DISC1: variants seen among roughly 807,000 people sequenced by gnomAD.
DISC1 encodes the protein DISC1 scaffold protein, also known as disrupted in schizophrenia 1 protein.
In DISC1, 57 loss-of-function variants were observed where a neutral mutation model predicts 84.5. That is an observed-to-expected ratio of 0.67 (90% CI 0.55 to 0.84). The LOEUF (loss-of-function observed/expected upper bound fraction) is 0.84. Among genes scored for constraint, DISC1 ranks in the 40% least tolerant of loss-of-function variants. DISC1 has a pLI of 0.00. For synonymous variants in DISC1, 411 were observed against 415.2 expected, an observed-to-expected ratio of 0.99 and a Z score of 0.12; for missense variants, 1,000 against 1,057.8, an observed-to-expected ratio of 0.95 and a Z score of 0.76.
At chr1:231,691,610 T>C (rs199855845) in intron 1 of DISC1, among the ~76,000 whole-genome samples, 62 of 152,362 alleles carry the variant, frequency 4.1e-4, no homozygotes, top group Non-Finnish European at 7.3e-4. Flanking sequence ...TAAAAGTCTT[T>C]TTAAACCACA....
intron 9 of DISC1, among the ~76,000 whole-genome samples, chr1:231,827,966 TTTTA>T (rs2081976060): frequency 6.6e-6 from 1 of 152,198 alleles, no homozygotes; most frequent in African/African-American, 2.4e-5. Context: ...TAGAATGTCG[TTTTA>T]TTTTTCTTTT....
rs1021980548 is a variant in DISC1 at position 232,037,732 on chromosome 1, A to C, written c.*901A>C. On this transcript the variant is annotated 3_prime_UTR_variant, in exon 13 of 13. Transcript: ENST00000439617. ...TACTCAGTAAGACAGTGCAGTGCTC[A>C]GTAAGGCAGTGCAATACTCAGTAAC... 6.6e-6 allele frequency: 1 copy of C among 152,008 alleles called. No homozygotes were observed. The highest frequency in any genetic ancestry group is 1.5e-5 in the Non-Finnish European group (1 of 68,224). The allele number at this position is 152,008 out of a possible 1,614,324, so 9.4% of individuals were successfully genotyped here. A position where few individuals can be genotyped will look rare whatever the true frequency, so the allele number is the denominator to read the frequency against.
intron 5 of DISC1, among the ~76,000 whole-genome samples, chr1:231,770,423 G>C (rs2076463225): frequency 2.0e-5 from 3 of 152,274 alleles, no homozygotes; most frequent in African/African-American, 7.2e-5. Context: ...TTTGGGGACA[G>C]ACTAACAAAG....
At chr1:231,728,093 G>A (rs1378118711) in intron 3 of DISC1, among the ~76,000 whole-genome samples, 1 of 150,898 alleles carries the variant, frequency 6.6e-6, no homozygotes, top group African/African-American at 2.4e-5. Flanking sequence ...TTTTTTTTTC[G>A]TATGCTAGAG....
At chr1:231,790,587 C>T (rs542686585) in intron 6 of DISC1, among the ~76,000 whole-genome samples, 119 of 151,934 alleles carry the variant, frequency 7.8e-4, no homozygotes, top group African/African-American at 2.7e-3. Context: ...GGCATGATAT[C>T]GGCTCACTGC....
chr1:231,722,151 CAAAA>C (rs750574790), intron 3 of DISC1, among the ~76,000 whole-genome samples: 1 of 47,682 alleles, frequency 2.1e-5, no homozygotes. Context: ...GACTCCATCT[CAAAA>C]AAAAAAAAAA....
intron 9 of DISC1, among the ~76,000 whole-genome samples, chr1:231,907,031 CTCTT>C (rs370661560): frequency 2.0e-5 from 3 of 148,744 alleles, no homozygotes; most frequent in African/African-American, 7.4e-5. Context: ...TTCTCTCTCT[CTCTT>C]TCTTTCCCTC....
chr1:231,750,641 T>C (rs2074512929), intron 4 of DISC1: 1 of 961,894 alleles, frequency 1.0e-6, no homozygotes. Context: ...CCTACCAATG[T>C]CCAGGCTCCT....
chr1:231,842,958 A>T (rs774447433), intron 9 of DISC1, among the ~76,000 whole-genome samples: 4 of 152,142 alleles, frequency 2.6e-5, no homozygotes, highest in Non-Finnish European at 4.4e-5. Flanking sequence ...ACTAATTTTT[A>T]TAGTGAGCCA....
intron 11 of DISC1, among the ~76,000 whole-genome samples, chr1:232,024,969 C>T (rs1338566856): frequency 6.6e-6 from 1 of 152,160 alleles, no homozygotes; most frequent in Non-Finnish European, 1.5e-5. Flanking sequence ...AGTTTTAATT[C>T]TGAGCTCATT....
At chr1:231,856,114 G>T (rs1238424783) in intron 9 of DISC1, among the ~76,000 whole-genome samples, 2 of 152,172 alleles carry the variant, frequency 1.3e-5, no homozygotes, top group Non-Finnish European at 2.9e-5. Context: ...CTCATTAGTT[G>T]CAAGAATGAT....
chr1:231,764,163 A>G (rs536413695), intron 4 of DISC1, among the ~76,000 whole-genome samples: 1 of 152,350 alleles, frequency 6.6e-6, no homozygotes, highest in South Asian at 2.1e-4. Flanking sequence ...TGCTGAGTTT[A>G]TGCCTCCAAG....
chr1:231,866,468 C>T, intron 9 of DISC1: 1 of 776,260 alleles, frequency 1.3e-6, no homozygotes. Flanking sequence ...ACACTTATTA[C>T]AAGGCTCCAG....
rs2079598532 is a variant in DISC1 at position 231,805,118 on chromosome 1, C to T, written c.1792+4908C>T. Among the ~76,000 whole-genome samples the T allele has an allele frequency of 2.0e-5, 3 of 152,068 alleles. No homozygotes were observed. In the South Asian group the frequency reaches 6.2e-4, roughly 32 times the overall value. ...ACATTAAGAAAAGTAATTTAGAGAG[C>T]CCATTGTTTCTCTCCCTTTTCACTG... is the stretch of plus-strand genomic sequence containing the variant. On this transcript the variant is annotated intron_variant, in intron 8 of 12. Transcript: ENST00000439617.
intron 8 of DISC1, among the ~76,000 whole-genome samples, chr1:231,805,685 A>T (rs536323203): frequency 2.0e-5 from 3 of 151,714 alleles, no homozygotes; most frequent in Non-Finnish European, 4.4e-5. Context: ...GTGCTAAATC[A>T]TTAATGAGAA....
intron 9 of DISC1, among the ~76,000 whole-genome samples, chr1:231,862,182 A>G (rs999780721): frequency 6.6e-6 from 1 of 152,166 alleles, no homozygotes; most frequent in African/African-American, 2.4e-5. Flanking sequence ...TTACAAAACA[A>G]CCCTGTAGAG....
At chr1:231,760,695 G>A (rs1019810395) in intron 4 of DISC1, among the ~76,000 whole-genome samples, 1 of 152,208 alleles carries the variant, frequency 6.6e-6, no homozygotes, top group Non-Finnish European at 1.5e-5. Flanking sequence ...GTAAACCACA[G>A]CACTGTCACT....
intron 3 of DISC1, among the ~76,000 whole-genome samples, chr1:231,729,639 C>T (rs1009533374): frequency 6.6e-6 from 1 of 151,846 alleles, no homozygotes. Context: ...ACGCTTTATG[C>T]CTTCTGATTG....
At chr1:231,777,127 A>G (rs1473699993) in intron 6 of DISC1, among the ~76,000 whole-genome samples, 1 of 152,152 alleles carries the variant, frequency 6.6e-6, no homozygotes, top group Non-Finnish European at 1.5e-5. Context: ...CAATGGCTTT[A>G]TGGGACTGAG....
Sources: gnomAD v4.1 joint callset for allele counts (sites outside exome capture counted in the v4.1 genomes callset) on GRCh38, gnomAD v4.1.1 for gene constraint, MANE v1.5 for transcripts, NCBI Gene and HGNC (gene_info 2026-07-23, HGNC 2026-07-21) for gene names.